Variants in KIAA1549 observed in about 807,000 individuals in gnomAD.
KIAA1549 encodes the protein KIAA1549, also known as UPF0606 protein KIAA1549.
KIAA1549 carries 70 observed loss-of-function variants against 156.4 expected under a neutral mutation model. The observed-to-expected ratio is 0.45, with a 90% CI of 0.37 to 0.55. The LOEUF is 0.55. Ranked by LOEUF, KIAA1549 falls within the 20% of genes least tolerant of loss-of-function variation. KIAA1549 has a pLI of 0.00. For missense variants in KIAA1549, 2,428 were observed against 2,540.9 expected (o/e 0.96, Z 0.96); for synonymous variants, 1,103 against 1,066.4 (o/e 1.03, Z -0.67).
At chr7:138,967,667 C>T (rs1222534691) in intron 1 of KIAA1549, among the ~76,000 whole-genome samples, 1 of 152,110 alleles carries the variant, frequency 6.6e-6, no homozygotes, top group African/African-American at 2.4e-5. Flanking sequence ...AGTCTCCCAG[C>T]CCATCCTCCA....
At chr7:138,908,689 A>G (rs1309641156) in intron 5 of KIAA1549, among the ~76,000 whole-genome samples, 3 of 152,194 alleles carry the variant, frequency 2.0e-5, no homozygotes, top group Non-Finnish European at 1.5e-5. Context: ...GCATTCCCCC[A>G]TTGGATATTT....
chr7:138,832,387 C>T lies in KIAA1549; in HGVS notation c.*5519G>A, dbSNP rs547585641. The T allele has an allele frequency of 1.2e-4, 22 of 189,390 alleles. No individual in the cohort carries two copies. The highest frequency in any genetic ancestry group is 4.2e-4 in the East Asian group (5 of 11,926). The allele number at this position is 189,390 out of a possible 1,614,324, so 11.7% of individuals were successfully genotyped here. ...AATTTTTAAATTTTTTTTGTAGAGACGGGGTCTCGTTATGTTGCCCAAGGT... is the reference window on the plus strand; with the variant it reads ...AATTTTTAAATTTTTTTTGTAGAGATGGGGTCTCGTTATGTTGCCCAAGGT... On this transcript the variant is annotated 3_prime_UTR_variant, in exon 20 of 20. Transcript: ENST00000422774.
At position 138,879,582 on chromosome 7, in the gene KIAA1549, G is replaced by A. The variant is rs200150763; in HGVS notation, c.4301C>T (p.Pro1434Leu). Residue 1434 changes from proline to leucine, a missense_variant, in exon 12 of 20, where the codon CCG (proline) becomes CTG (leucine). Physicochemically the swap from Pro to Leu is moderately conservative, Grantham distance 98. This residue lies in a region of KIAA1549 where 404 missense variants were observed against 417.0 expected (regional missense o/e 0.97). Coordinates refer to ENST00000422774, the MANE Select transcript of KIAA1549 (RefSeq NM_001164665.2). ...GGACCTGCCATCGTTGACGGCTCCC[G>A]GCGTCTTATCTCCTGCGTCCCTCTC... ...SSERDAGDKT[P>L]GAVNDGRSHR... 333 of 1,569,306 alleles carry A rather than the reference G, an allele frequency of 2.1e-4. No individual in the cohort carries two copies. The African/African-American group carries it at 3.2e-3, about 15-fold the overall frequency.
At chr7:138,906,329 T>C (rs1182578001) in intron 6 of KIAA1549, among the ~76,000 whole-genome samples, 1 of 152,114 alleles carries the variant, frequency 6.6e-6, no homozygotes, top group Non-Finnish European at 1.5e-5. Context: ...GGGCTATGGA[T>C]GATGATGCAG....
At chr7:138,906,257 T>A (rs2130456530) in intron 6 of KIAA1549, among the ~76,000 whole-genome samples, 1 of 152,350 alleles carries the variant, frequency 6.6e-6, no homozygotes, top group East Asian at 1.9e-4. Flanking sequence ...TTGCATGTCA[T>A]TACACATTTG....
intron 1 of KIAA1549, among the ~76,000 whole-genome samples, chr7:138,971,019 C>A (rs1814205435): frequency 6.6e-6 from 1 of 152,194 alleles, no homozygotes; most frequent in South Asian, 2.1e-4. Context: ...CAGGAAACCA[C>A]TAGGAGTGAG....
chr7:138,859,197 A>G (rs1235481471), intron 16 of KIAA1549, among the ~76,000 whole-genome samples: 1 of 152,156 alleles, frequency 6.6e-6, no homozygotes, highest in African/African-American at 2.4e-5. Context: ...TAACCTGGCC[A>G]GAGAGAGATC....
intron 9 of KIAA1549, 60 bp from the exon 10 acceptor site, chr7:138,894,586 A>G: frequency 6.5e-7 from 1 of 1,536,420 alleles, no homozygotes; most frequent in Non-Finnish European, 8.9e-7. Flanking sequence ...ACTAGATTGC[A>G]CGTGTCTTCT....
intron 10 of KIAA1549, among the ~76,000 whole-genome samples, chr7:138,886,332 T>C (rs1467403217): frequency 6.6e-6 from 1 of 152,112 alleles, no homozygotes; most frequent in Non-Finnish European, 1.5e-5. Flanking sequence ...TGGAGTGCAG[T>C]AGCACAATCT....
chr7:138,932,944 G>A (rs903012595), intron 1 of KIAA1549, among the ~76,000 whole-genome samples: 1 of 152,206 alleles, frequency 6.6e-6, no homozygotes, highest in South Asian at 2.1e-4. Context: ...AACGTGAAGA[G>A]GAGAAGCCAG....
At chr7:138,847,782 A>C (rs1810121455) in intron 17 of KIAA1549, among the ~76,000 whole-genome samples, 1 of 152,204 alleles carries the variant, frequency 6.6e-6, no homozygotes, top group African/African-American at 2.4e-5. Context: ...ATTAAAAAGG[A>C]ATTACTGGGA....
At chr7:138,871,070 GC>G (rs35334186) in intron 13 of KIAA1549, 86 bp downstream of exon 13, 383,092 of 1,278,364 alleles carry the variant, frequency 0.3, 60,631 homozygotes, top group Middle Eastern at 0.45. Context: ...GCCTGCCTTG[GC>G]CCCCCCAAGT....
At chr7:138,906,230 T>C (rs1034522453) in intron 6 of KIAA1549, among the ~76,000 whole-genome samples, 6 of 152,238 alleles carry the variant, frequency 3.9e-5, no homozygotes, top group African/African-American at 1.4e-4. Flanking sequence ...GATACTAAAA[T>C]GGAGAATCCA....
intron 1 of KIAA1549, among the ~76,000 whole-genome samples, chr7:138,941,056 T>C (rs1006686032): frequency 6.6e-6 from 1 of 152,040 alleles, no homozygotes; most frequent in African/African-American, 2.4e-5. Context: ...TTTGTTGCCA[T>C]TGCTTTTAAA....
chr7:138,910,128 A>T (rs147155894), intron 4 of KIAA1549, among the ~76,000 whole-genome samples: 261 of 152,280 alleles, frequency 1.7e-3, no homozygotes, highest in Admixed American at 4.0e-3. Context: ...CTATAACAAG[A>T]CTGGCTAGGA....
chr7:138,903,231 T>G (rs970829388), intron 8 of KIAA1549, among the ~76,000 whole-genome samples: 1 of 152,212 alleles, frequency 6.6e-6, no homozygotes, highest in African/African-American at 2.4e-5. Flanking sequence ...ATGCTATCAA[T>G]AACACTGACC....
At position 138,835,044 on chromosome 7, in the gene KIAA1549, T is replaced by A. The variant is rs1185563307; in HGVS notation, c.*2862A>T. The A allele has an allele frequency of 4.4e-6, 1 of 226,234 alleles. No homozygotes were observed. Among genetic ancestry groups the A allele is most frequent in the Non-Finnish European group, 8.8e-6 (1 of 113,812 alleles). The allele number at this position is 226,234 out of a possible 1,614,324, so 14.0% of individuals were successfully genotyped here. A position where few individuals can be genotyped will look rare whatever the true frequency, so the allele number is the denominator to read the frequency against. Reference sequence around the variant, plus strand: ...CAGTTTGTGTTACCACTAGAACTTTTAAAATAGGAAAAAAGAATAGACATA... The same window carrying A: ...CAGTTTGTGTTACCACTAGAACTTTAAAAATAGGAAAAAAGAATAGACATA... On this transcript the variant is annotated 3_prime_UTR_variant, in exon 20 of 20. Coordinates refer to ENST00000422774, the MANE Select transcript of KIAA1549 (RefSeq NM_001164665.2).
Position 138,858,954 on chromosome 7 carries a change from C to T in KIAA1549, c.5247+2185G>A, listed in dbSNP as rs138057787. On this transcript the variant is annotated intron_variant, in intron 16 of 19. Coordinates refer to ENST00000422774, the MANE Select transcript of KIAA1549 (RefSeq NM_001164665.2). ...CCGGGAGGTGGAGCTTGCAGTGAGC[C>T]GACATTGTGCCACTGCACTCCAGCC... Among the ~76,000 whole-genome samples, 262 of 150,732 alleles carry T rather than the reference C, an allele frequency of 1.7e-3. 1 individual carries two copies. The highest frequency in any genetic ancestry group is 5.7e-3 in the African/African-American group (234 of 41,166).
chr7:138,898,671 A>C (rs762203359), intron 9 of KIAA1549, among the ~76,000 whole-genome samples: 1 of 152,252 alleles, frequency 6.6e-6, no homozygotes, highest in Non-Finnish European at 1.5e-5. Flanking sequence ...AAAAAGTAGT[A>C]GTACAGGAAT....
Sources: allele counts gnomAD v4.1 joint callset (sites outside exome capture counted in the v4.1 genomes callset), GRCh38; gene constraint gnomAD v4.1.1; regional missense constraint gnomAD v4.1.1; transcripts MANE v1.5; gene names NCBI Gene and HGNC (gene_info 2026-07-23, HGNC 2026-07-21).